ARPP19: variants seen among roughly 807,000 people sequenced by gnomAD.
ARPP19 encodes cAMP-regulated phosphoprotein 19.
ARPP19 carries 8 observed loss-of-function variants against 12.0 expected under a neutral mutation model. The observed-to-expected ratio is 0.67, with a 90% CI of 0.39 to 1.21. The LOEUF (loss-of-function observed/expected upper bound fraction) is 1.21. Among genes scored for constraint, ARPP19 ranks in the 50% most tolerant of loss-of-function variants. The probability of loss-of-function intolerance (pLI) is 0.01; values close to 1 mark genes in which losing one functional copy is unlikely to be tolerated. For synonymous variants in ARPP19, 47 were observed against 50.4 expected, an observed-to-expected ratio of 0.93 and a Z score of 0.29; for missense variants, 102 against 136.3, an observed-to-expected ratio of 0.75 and a Z score of 1.25.
At chr15:52,559,787 C>T (rs1418158829) in intron 1 of ARPP19, among the ~76,000 whole-genome samples, 1 of 152,194 alleles carries the variant, frequency 6.6e-6, no homozygotes, top group East Asian at 1.9e-4. Context: ...AGGGTGTTCT[C>T]AGTGCTGCAG....
chr15:52,563,719 G>A (rs930595810), intron 1 of ARPP19, among the ~76,000 whole-genome samples: 1 of 152,170 alleles, frequency 6.6e-6, no homozygotes, highest in Admixed American at 6.5e-5. Flanking sequence ...ATAAAAATCT[G>A]ACCACTCTAA....
chr15:52,548,287 G>A lies in ARPP19; in HGVS notation c.*3647C>T, dbSNP rs1202207398. On this transcript the variant is annotated 3_prime_UTR_variant, in exon 3 of 3. Coordinates refer to ENST00000249822, the MANE Select transcript of ARPP19 (RefSeq NM_006628.6). ...GGATCACCTGAGGTCAGGAGTTCGA[G>A]ACCAGCCTGGCCAACATGGTGAAAC... 1 of 152,186 alleles carries A rather than the reference G, an allele frequency of 6.6e-6. No homozygotes were observed. The highest frequency in any genetic ancestry group is 1.5e-5 in the Non-Finnish European group (1 of 68,034). The allele number at this position is 152,186 out of a possible 1,614,324, so 9.4% of individuals were successfully genotyped here.
At chr15:52,558,140 G>GTA (rs1458570276) in intron 1 of ARPP19, among the ~76,000 whole-genome samples, 1 of 152,044 alleles carries the variant, frequency 6.6e-6, no homozygotes, top group African/African-American at 2.4e-5. Flanking sequence ...TTCATGGCAA[G>GTA]TACTGCAGAA....
intron 1 of ARPP19, among the ~76,000 whole-genome samples, chr15:52,561,483 A>C (rs541363576): frequency 1.3e-5 from 2 of 152,332 alleles, no homozygotes; most frequent in Middle Eastern, 3.4e-3. Context: ...ATACTATAAC[A>C]GTACCATATT....
At chr15:52,556,418 A>G (rs758678815) in intron 2 of ARPP19, among the ~76,000 whole-genome samples, 1 of 152,120 alleles carries the variant, frequency 6.6e-6, no homozygotes, top group Non-Finnish European at 1.5e-5. Flanking sequence ...CATTATCTCA[A>G]TCTCATTATT....
At chr15:52,565,038 CTTT>C (rs543075410) in intron 1 of ARPP19, among the ~76,000 whole-genome samples, 15 of 137,112 alleles carry the variant, frequency 1.1e-4, no homozygotes, top group Admixed American at 2.2e-4. Context: ...AAATTACCAT[CTTT>C]TTTTTTTTTT....
intron 1 of ARPP19, among the ~76,000 whole-genome samples, chr15:52,560,268 T>G (rs1485230658): frequency 6.6e-6 from 1 of 152,126 alleles, no homozygotes; most frequent in Non-Finnish European, 1.5e-5. Flanking sequence ...AAGTGCTGGA[T>G]CACAGGCATG....
At chr15:52,564,343 T>C in intron 1 of ARPP19, 1 of 845,974 alleles carries the variant, frequency 1.2e-6, no homozygotes, top group Non-Finnish European at 1.9e-6. Context: ...ACCCAGGAGT[T>C]CAAGGCGGCA....
Position 52,568,867 on chromosome 15 carries a change from G to A in ARPP19, c.26C>T (p.Ala9Val), listed in dbSNP as rs780828075. The change falls in exon 1 of 3, where the codon GCC (alanine) becomes GTC (valine). Residue 9 changes from alanine (A) to valine (V), a missense_variant. By Grantham distance (64) the Ala-to-Val change is moderately conservative. Transcript: ENST00000249822. MSAEVPEA[A>V]SAEEQKEMED... ...GCTCACCTTCTGCTCCTCCGCGGAG[G>A]CTGCCTCGGGGACTTCCGCAGACAT... 5.7e-6 allele frequency: 9 copies of A among 1,574,392 alleles called. No individual in the cohort carries two copies. Among genetic ancestry groups the A allele is most frequent in the Non-Finnish European group, 6.9e-6 (8 of 1,164,268 alleles).
rs374270035 is a variant in ARPP19, at chr15:52,557,085, C to T, written c.168+15G>A. The T allele has an allele frequency of 1.2e-6, 2 of 1,610,124 alleles. No homozygotes were observed. Among genetic ancestry groups the T allele is most frequent in the Middle Eastern group, 2.3e-4 (1 of 4,432 alleles). On this transcript the variant is annotated intron_variant, in intron 2 of 2. Transcript: ENST00000249822. The stretch of plus-strand genomic sequence containing the variant: ...GTAGGGCTTAAGTATTTGGAAATTA[C>T]CCATGAGAACTTACCCCTTTCTGCA...
upstream of ARPP19, chr15:52,569,176 C>G (rs181763834): frequency 2.2e-6 from 1 of 454,596 alleles, no homozygotes; most frequent in East Asian, 4.6e-5. Context: ...TCAAAGGTCG[C>G]CGCTCCTGCC....
At position 52,557,089 on chromosome 15, in the gene ARPP19, T is replaced by C. The variant is rs1171177969; in HGVS notation, c.168+11A>G. 3 of 1,610,368 alleles carry C rather than the reference T, an allele frequency of 1.9e-6. No homozygotes were observed. The highest frequency in any genetic ancestry group is 1.3e-5 in the African/African-American group (1 of 74,740). On this transcript the variant is annotated intron_variant, in intron 2 of 2. Coordinates refer to ENST00000249822, the MANE Select transcript of ARPP19 (RefSeq NM_006628.6). ...GGCTTAAGTATTTGGAAATTACCCA[T>C]GAGAACTTACCCCTTTCTGCAACCG...
rs755690472 is a variant in ARPP19 at position 52,568,936 on chromosome 15, G to A, written c.-44C>T. The A allele has an allele frequency of 4.0e-6, 6 of 1,491,912 alleles. No individual in the cohort carries two copies. In the Admixed American group the frequency reaches 9.9e-5, roughly 25 times the overall value. The allele number at this position is 1,491,912 out of a possible 1,614,324, so 92.4% of individuals were successfully genotyped here. A position where few individuals can be genotyped will look rare whatever the true frequency, so the allele number is the denominator to read the frequency against. ...GAGACGCCGGGAAAAGATGCAATTA[G>A]CGGGTGGCCGAGGCCACCCGGCCGC... On this transcript the variant is annotated 5_prime_UTR_variant, in exon 1 of 3. Coordinates refer to ENST00000249822, the MANE Select transcript of ARPP19 (RefSeq NM_006628.6).
Position 52,551,765 on chromosome 15 carries a change from A to T in ARPP19, c.*169T>A. ...CTCTTCACCAGTGCACTGTTAAACT[A>T]ATCAAAAACTCTACACACGTATATT... On this transcript the variant is annotated 3_prime_UTR_variant, in exon 3 of 3. Coordinates refer to ENST00000249822, the MANE Select transcript of ARPP19 (RefSeq NM_006628.6). The T allele has an allele frequency of 6.6e-6, 4 of 601,934 alleles. No homozygotes were observed. The South Asian group carries it at 8.3e-5, about 13-fold the overall frequency. 37.3% of individuals were successfully genotyped at this position (601,934 alleles called of 1,614,324 possible). A position where few individuals can be genotyped will look rare whatever the true frequency, so the allele number is the denominator to read the frequency against.
chr15:52,563,497 T>C (rs1195358934), intron 1 of ARPP19, among the ~76,000 whole-genome samples: 1 of 152,224 alleles, frequency 6.6e-6, no homozygotes, highest in Non-Finnish European at 1.5e-5. Flanking sequence ...TGTCTCGGCA[T>C]GTGCATTTTT....
Position 52,564,171 on chromosome 15 carries a change from A to G in ARPP19, c.45+4677T>C, listed in dbSNP as rs993587723. On this transcript the variant is annotated intron_variant, in intron 1 of 2. Transcript: ENST00000249822. ...TAAGACGGCTAAGAGAAACATTTAA[A>G]AACTTTTCTGAGGTTTACCTCTAGG... The G allele has an allele frequency of 1.1e-5, 16 of 1,517,880 alleles. No homozygotes were observed. The African/African-American group carries it at 2.2e-4, about 21-fold the overall frequency. 94.0% of individuals were successfully genotyped at this position (1,517,880 alleles called of 1,614,324 possible). A position where few individuals can be genotyped will look rare whatever the true frequency, so the allele number is the denominator to read the frequency against.
At chr15:52,558,971 A>G (rs2078008206) in intron 1 of ARPP19, among the ~76,000 whole-genome samples, 1 of 151,942 alleles carries the variant, frequency 6.6e-6, no homozygotes, top group Non-Finnish European at 1.5e-5. Flanking sequence ...GCTCTCATAC[A>G]TGTTTTATAA....
At chr15:52,563,594 C>T (rs550080030) in intron 1 of ARPP19, among the ~76,000 whole-genome samples, 1 of 152,282 alleles carries the variant, frequency 6.6e-6, no homozygotes, top group African/African-American at 2.4e-5. Flanking sequence ...AAAAAGGACA[C>T]TCAAATAACT....
At chr15:52,560,228 C>T (rs1287198850) in intron 1 of ARPP19, among the ~76,000 whole-genome samples, 1 of 151,614 alleles carries the variant, frequency 6.6e-6, no homozygotes, top group African/African-American at 2.4e-5. Context: ...AACTCCTGAC[C>T]CCAGGTCATC....
Sources: gnomAD v4.1 joint callset for allele counts (sites outside exome capture counted in the v4.1 genomes callset) on GRCh38, gnomAD v4.1.1 for gene constraint, MANE v1.5 for transcripts, NCBI Gene and HGNC (gene_info 2026-07-23, HGNC 2026-07-21) for gene names.